SNX29: variants seen among roughly 807,000 people sequenced by gnomAD.
SNX29 encodes sorting nexin-29.
Under a neutral mutation model 102.1 loss-of-function variants are expected in SNX29, and 78 were observed. The observed-to-expected ratio is 0.76, with a 90% confidence interval of 0.64 to 0.92. The LOEUF is 0.92. SNX29 is among the 40% of genes least tolerant of loss of function. SNX29 has a pLI of 0.00. For missense variants in SNX29, 1,280 were observed against 1,061.7 expected, an observed-to-expected ratio of 1.21 and a Z score of -2.86; for synonymous variants, 580 against 414.5, an observed-to-expected ratio of 1.40 and a Z score of -4.85.
intron 14 of SNX29, among the ~76,000 whole-genome samples, chr16:12,269,717 CCTT>C (rs2079033663): frequency 6.6e-6 from 1 of 152,082 alleles, no homozygotes; most frequent in Non-Finnish European, 1.5e-5. Context: ...TGTCTTGAAG[CCTT>C]CTATTTTTGA....
At chr16:12,280,837 A>G (rs1426034940) in intron 15 of SNX29, among the ~76,000 whole-genome samples, 1 of 152,248 alleles carries the variant, frequency 6.6e-6, no homozygotes, top group African/African-American at 2.4e-5. Flanking sequence ...GTAATGAACG[A>G]ATGTGAGGGG....
intron 3 of SNX29, among the ~76,000 whole-genome samples, chr16:12,013,500 A>AAAAAAAAAAAAATATAT: frequency 9.5e-5 from 3 of 31,630 alleles, no homozygotes; most frequent in Non-Finnish European, 1.8e-4. Context: ...AAAAAAAAAA[A>AAAAAAAAAAAAATATAT]ATATATATAT....
chr16:12,340,744 G>A (rs2081588114), intron 15 of SNX29, among the ~76,000 whole-genome samples: 1 of 152,192 alleles, frequency 6.6e-6, no homozygotes, highest in African/African-American at 2.4e-5. Context: ...ATCTCTAAGA[G>A]TCTGATTAGG....
At chr16:12,073,423 T>C (rs533055549) in intron 10 of SNX29, among the ~76,000 whole-genome samples, 2 of 152,246 alleles carry the variant, frequency 1.3e-5, no homozygotes, top group East Asian at 3.8e-4. Context: ...CTTCATTTCG[T>C]TATGTACCCA....
chr16:12,302,421 T>C (rs895130622), intron 15 of SNX29, among the ~76,000 whole-genome samples: 1 of 152,242 alleles, frequency 6.6e-6, no homozygotes, highest in Admixed American at 6.5e-5. Flanking sequence ...TACCATAAAC[T>C]GAGAAACTTA....
At position 12,570,491 on chromosome 16, in the gene SNX29, G is replaced by A; in HGVS notation, c.*1862G>A. The A allele has an allele frequency of 4.3e-6, 1 of 233,292 alleles. No individual in the cohort carries two copies. Among genetic ancestry groups the A allele is most frequent in the Middle Eastern group, 1.3e-3 (1 of 792 alleles). The allele number at this position is 233,292 out of a possible 1,614,324, so 14.5% of individuals were successfully genotyped here. On this transcript the variant is annotated 3_prime_UTR_variant, in exon 21 of 21. Coordinates refer to ENST00000566228, the MANE Select transcript of SNX29 (RefSeq NM_032167.5). ...AAAAGCTCAATCTGCTGTATGTCAT[G>A]ACCCCTTAGGTTGGGTTTATGCCAC...
At chr16:11,988,913 C>A (rs948429067) in intron 1 of SNX29, among the ~76,000 whole-genome samples, 1 of 152,126 alleles carries the variant, frequency 6.6e-6, no homozygotes, top group African/African-American at 2.4e-5. Flanking sequence ...GTATGGCCTG[C>A]AAAGCCTAAA....
intron 14 of SNX29, among the ~76,000 whole-genome samples, chr16:12,205,644 G>A (rs2077027396): frequency 6.6e-6 from 1 of 152,182 alleles, no homozygotes; most frequent in Admixed American, 6.5e-5. Context: ...TGCCATGCCT[G>A]TCTCCATTCA....
intron 13 of SNX29, among the ~76,000 whole-genome samples, chr16:12,171,647 A>G (rs1596416738): frequency 1.3e-5 from 2 of 152,248 alleles, no homozygotes; most frequent in African/African-American, 2.4e-5. Flanking sequence ...GCAAGTGCCA[A>G]GAGCCACAGG....
intron 18 of SNX29, among the ~76,000 whole-genome samples, chr16:12,433,285 C>T (rs75032677): frequency 0.013 from 1,965 of 152,210 alleles, 54 homozygotes; most frequent in African/African-American, 0.045. Context: ...TCTGCCTTAA[C>T]GTCCACTGAT....
chr16:12,213,893 C>T (rs989623958), intron 14 of SNX29, among the ~76,000 whole-genome samples: 2 of 152,176 alleles, frequency 1.3e-5, no homozygotes, highest in African/African-American at 4.8e-5. Flanking sequence ...ACTGGGTAGG[C>T]AGCCAGGAGT....
chr16:12,150,845 A>G (rs983021705), intron 13 of SNX29, among the ~76,000 whole-genome samples: 1 of 152,198 alleles, frequency 6.6e-6, no homozygotes, highest in Non-Finnish European at 1.5e-5. Flanking sequence ...TCAGCCAGGC[A>G]AGAGATACGG....
At chr16:12,429,329 A>G (rs1304512865) in intron 18 of SNX29, among the ~76,000 whole-genome samples, 5 of 152,252 alleles carry the variant, frequency 3.3e-5, no homozygotes, top group Non-Finnish European at 4.4e-5. Flanking sequence ...CAACACATAG[A>G]TACGATTGCA....
intron 11 of SNX29, among the ~76,000 whole-genome samples, chr16:12,117,378 G>A (rs1172245135): frequency 7.1e-6 from 1 of 141,732 alleles, no homozygotes; most frequent in Non-Finnish European, 1.5e-5. Context: ...CAGTGCGGAC[G>A]AACCGTGGAA....
At chr16:12,525,279 A>G (rs2076747165) in intron 20 of SNX29, among the ~76,000 whole-genome samples, 1 of 152,126 alleles carries the variant, frequency 6.6e-6, no homozygotes, top group African/African-American at 2.4e-5. Flanking sequence ...AGTTTTACTT[A>G]AAAATGAACA....
intron 19 of SNX29, among the ~76,000 whole-genome samples, chr16:12,507,270 T>C (rs918289494): frequency 6.6e-6 from 1 of 152,202 alleles, no homozygotes; most frequent in African/African-American, 2.4e-5. Flanking sequence ...TGCCTGGCAT[T>C]GAGCAGGCCC....
At chr16:12,527,065 G>A in intron 20 of SNX29, 1 of 434,732 alleles carries the variant, frequency 2.3e-6, no homozygotes, top group South Asian at 2.1e-5. Context: ...CTACATGTTG[G>A]TCTAGACCCC....
chr16:12,062,706 G>A (rs1596740396), intron 9 of SNX29, among the ~76,000 whole-genome samples: 1 of 152,196 alleles, frequency 6.6e-6, no homozygotes, highest in Non-Finnish European at 1.5e-5. Flanking sequence ...TCTGGGCCCA[G>A]ATTTAGGAAA....
intron 13 of SNX29, among the ~76,000 whole-genome samples, chr16:12,183,887 A>G (rs1485874839): frequency 6.6e-6 from 1 of 152,208 alleles, no homozygotes; most frequent in Non-Finnish European, 1.5e-5. Context: ...GTGACAGTCC[A>G]CTAGTGCCAT....
Sources: allele counts gnomAD v4.1 joint callset (sites outside exome capture counted in the v4.1 genomes callset), GRCh38; gene constraint gnomAD v4.1.1; transcripts MANE v1.5; gene names NCBI Gene and HGNC (gene_info 2026-07-23, HGNC 2026-07-21).